The following HCLS1 variants were observed in gnomAD, a reference collection of about 807,000 sequenced individuals.
The protein encoded by HCLS1 is hematopoietic cell-specific Lyn substrate 1.
A neutral mutation model predicts 68.6 loss-of-function variants in HCLS1; 44 were observed. That is an observed-to-expected ratio of 0.64 (90% CI 0.50 to 0.82). The LOEUF is 0.82. HCLS1 is among the 40% of genes least tolerant of loss of function. The probability of loss-of-function intolerance (pLI) is 0.00; values close to 1 mark genes in which losing one functional copy is unlikely to be tolerated. For synonymous variants in HCLS1, 217 were observed against 225.8 expected (o/e 0.96, Z 0.35); for missense variants, 602 against 612.1 (o/e 0.98, Z 0.17).
chr3:121,633,149 G>A lies in HCLS1; in HGVS notation c.926C>T (p.Pro309Leu). The A allele has an allele frequency of 6.2e-7, 1 of 1,611,172 alleles. No homozygotes were observed. The highest frequency in any genetic ancestry group is 8.5e-7 in the Non-Finnish European group (1 of 1,178,504). The change falls in exon 11 of 14, where the codon CCT becomes CTT. Residue 309 changes from proline (P) to leucine (L), a missense_variant. Transcript: ENST00000314583. ...SSEAWPPVGT[P>L]PSSESEPVRT... Reference sequence around the variant, plus strand: ...CACAGGCTCAGACTCTGATGATGGAGGAGTCCCAACTGGAGGCCAGGCCTG... The same window carrying A: ...CACAGGCTCAGACTCTGATGATGGAAGAGTCCCAACTGGAGGCCAGGCCTG...
intron 6 of HCLS1, among the ~76,000 whole-genome samples, chr3:121,641,938 G>A (rs1045989970): frequency 2.0e-5 from 3 of 150,272 alleles, no homozygotes; most frequent in African/African-American, 7.4e-5. Context: ...AAATTAGCCC[G>A]GCGTAGTGGC....
At chr3:121,658,221 C>T in intron 2 of HCLS1, 43 bp downstream of exon 2, 1 of 1,481,010 alleles carries the variant, frequency 6.8e-7, no homozygotes, top group Non-Finnish European at 9.4e-7. Context: ...CCCTCCTCAC[C>T]CCACCCTCTG....
intron 9 of HCLS1, among the ~76,000 whole-genome samples, chr3:121,635,275 C>CTCTCTCTCTCTCTCTA (rs778542606): frequency 9.7e-6 from 1 of 103,544 alleles, no homozygotes; most frequent in Non-Finnish European, 1.9e-5. Flanking sequence ...CTCTCTCTCT[C>CTCTCTCTCTCTCTCTA]CTCTCTCTCC....
intron 2 of HCLS1, 78 bp downstream of exon 2, chr3:121,658,186 C>T (rs1937915491): frequency 6.4e-6 from 7 of 1,089,724 alleles, no homozygotes; most frequent in South Asian, 1.3e-5. Flanking sequence ...CAAGCATCCT[C>T]AAAGATCACA....
intron 3 of HCLS1, 115 bp from the exon 4 acceptor site, chr3:121,647,563 GC>G: frequency 9.4e-7 from 1 of 1,068,978 alleles, no homozygotes; most frequent in South Asian, 1.5e-5. Flanking sequence ...AATAACCTGG[GC>G]CCCCAAAATA....
At chr3:121,645,274 TG>T (rs1237462883) in intron 4 of HCLS1, among the ~76,000 whole-genome samples, 1 of 151,994 alleles carries the variant, frequency 6.6e-6, no homozygotes, top group Non-Finnish European at 1.5e-5. Flanking sequence ...GAGTGTAGTG[TG>T]GGGTAGTGTG....
At chr3:121,649,562 T>C (rs892021193) in intron 3 of HCLS1, among the ~76,000 whole-genome samples, 1 of 152,192 alleles carries the variant, frequency 6.6e-6, no homozygotes, top group Non-Finnish European at 1.5e-5. Context: ...CATCATTCCT[T>C]CATTTTATAA....
rs1272121152 is a variant in HCLS1, at chr3:121,646,985, A to AT, written c.288+333dup. On this transcript the variant is annotated intron_variant, in intron 4 of 13. Coordinates refer to ENST00000314583, the MANE Select transcript of HCLS1 (RefSeq NM_005335.6). The stretch of plus-strand genomic sequence containing the variant: ...AATGTATTATTTATTTATTTTATTT[A>AT]TTTTTTTTTTTTTTGAGACAGAGTC... Among the ~76,000 whole-genome samples the AT allele has an allele frequency of 1.5e-3, 212 of 138,946 alleles. 2 individuals carry two copies. The highest frequency in any genetic ancestry group is 4.9e-3 in the African/African-American group (188 of 38,066). 91.2% of individuals were successfully genotyped at this position (138,946 alleles called of 152,430 possible).
chr3:121,658,335 C>G lies in HCLS1; in HGVS notation c.13G>C (p.Val5Leu). The G allele has an allele frequency of 6.2e-7, 1 of 1,613,256 alleles. No homozygotes were observed. The highest frequency in any genetic ancestry group is 8.5e-7 in the Non-Finnish European group (1 of 1,179,270). Residue 5 changes from valine to leucine, a missense_variant, in exon 2 of 14, where the codon GTA (valine) becomes CTA (leucine). Transcript: ENST00000314583. MWKS[V>L]VGHDVSVSVE... is the part of the protein sequence containing the mutation. ...GAAACAGACACATCATGGCCCACTA[C>G]AGACTTCCACATCTGAGAGTGACCG... is the stretch of plus-strand genomic sequence containing the variant.
chr3:121,646,270 A>AAC lies in HCLS1; in HGVS notation c.288+1048_288+1049insGT, dbSNP rs1560141615. On this transcript the variant is annotated intron_variant, in intron 4 of 13. Coordinates refer to ENST00000314583, the MANE Select transcript of HCLS1 (RefSeq NM_005335.6). ...TATATATTTATAAATAAAAATATATAATATATATTATATTTTATGTATTAT... is the reference window on the plus strand; with the variant it reads ...TATATATTTATAAATAAAAATATATAACATATATATTATATTTTATGTATTAT... Among the ~76,000 whole-genome samples the AAC allele has an allele frequency of 2.6e-5, 3 of 113,240 alleles. No individual in the cohort carries two copies. In the East Asian group the frequency reaches 7.3e-4, roughly 27 times the overall value. The allele number at this position is 113,240 out of a possible 152,430, so 74.3% of individuals were successfully genotyped here.
At chr3:121,635,016 T>G (rs1033378595) in intron 9 of HCLS1, among the ~76,000 whole-genome samples, 28 of 152,104 alleles carry the variant, frequency 1.8e-4, no homozygotes, top group African/African-American at 6.3e-4. Context: ...GTATGCCTTC[T>G]TCAAGCCACC....
intron 4 of HCLS1, among the ~76,000 whole-genome samples, chr3:121,645,656 T>G (rs1031563862): frequency 3.3e-5 from 5 of 151,972 alleles, no homozygotes; most frequent in Non-Finnish European, 5.9e-5. Flanking sequence ...TTTTCTGCCA[T>G]GTATATCTTA....
chr3:121,643,361 G>A (rs1011759250), intron 5 of HCLS1: 1 of 192,894 alleles, frequency 5.2e-6, no homozygotes, highest in African/African-American at 2.3e-5. Context: ...GAACTAAATG[G>A]GACAAGGTAA....
chr3:121,643,075 G>A, intron 5 of HCLS1, 94 bp from the exon 6 acceptor site: 1 of 940,664 alleles, frequency 1.1e-6, no homozygotes. Context: ...CCCAGAGGTA[G>A]TTTGTAGGGG....
At chr3:121,648,286 G>T (rs527672435) in intron 3 of HCLS1, among the ~76,000 whole-genome samples, 24 of 152,210 alleles carry the variant, frequency 1.6e-4, no homozygotes, top group African/African-American at 5.5e-4. Context: ...CTATCCCTAA[G>T]AGAAAGTACC....
intron 3 of HCLS1, among the ~76,000 whole-genome samples, chr3:121,652,294 G>T (rs924739791): frequency 6.6e-6 from 1 of 152,106 alleles, no homozygotes; most frequent in African/African-American, 2.4e-5. Context: ...TGCATTGGTG[G>T]TTATATTATA....
Position 121,644,901 on chromosome 3 carries a change from C to G in HCLS1, c.316G>C (p.Glu106Gln), listed in dbSNP as rs745951144. 1.9e-6 allele frequency: 3 copies of G among 1,613,762 alleles called. No individual in the cohort carries two copies. The highest frequency in any genetic ancestry group is 1.7e-5 in the Admixed American group (1 of 59,996). ...KSAVGHEYVA[E>Q]VEKHSSQTDA... ...GTCTGAGAAGAGTGCTTCTCCACCT[C>G]GGCAACATACTCATGGCCCACTGCA... The change falls in exon 5 of 14, where the codon GAG (glutamate) becomes CAG (glutamine). Residue 106 changes from glutamate to glutamine, a missense_variant. Glu to Gln is a conservative substitution (Grantham distance 29). Coordinates refer to ENST00000314583, the MANE Select transcript of HCLS1 (RefSeq NM_005335.6).
intron 13 of HCLS1, 24 bp downstream of exon 13, chr3:121,632,077 C>T (rs781165290): frequency 2.7e-5 from 43 of 1,613,472 alleles, no homozygotes; most frequent in Non-Finnish European, 3.6e-5. Context: ...ATGTACCAGG[C>T]TCCTCGGGCC....
At chr3:121,637,548 A>G (rs78740052) in intron 6 of HCLS1, among the ~76,000 whole-genome samples, 6 of 122,618 alleles carry the variant, frequency 4.9e-5, no homozygotes, top group East Asian at 2.2e-4. Flanking sequence ...GAGATTGCAG[A>G]AAAAAAAAGG....
Sources: gnomAD v4.1 joint callset for allele counts (sites outside exome capture counted in the v4.1 genomes callset) on GRCh38, gnomAD v4.1.1 for gene constraint, MANE v1.5 for transcripts, NCBI Gene and HGNC (gene_info 2026-07-23, HGNC 2026-07-21) for gene names.